TMEM94: variants seen among roughly 807,000 people sequenced by gnomAD.
TMEM94 encodes the protein transmembrane protein 94.
In TMEM94, 81 loss-of-function variants were observed where a neutral mutation model predicts 158.6. That is an observed-to-expected ratio of 0.51 (90% CI 0.43 to 0.61). The LOEUF is 0.61. TMEM94 is among the 20% of genes least tolerant of loss of function. The pLI, the probability that TMEM94 is intolerant of heterozygous loss-of-function variation, is 0.00. For missense variants in TMEM94, 1,435 were observed against 1,762.0 expected (o/e 0.81, Z 3.32); for synonymous variants, 751 against 730.7 (o/e 1.03, Z -0.45).
At position 75,487,847 on chromosome 17, in the gene TMEM94, C is replaced by G. The variant is rs777630651; in HGVS notation, c.410-85C>G. 9.2e-4 allele frequency: 1,032 copies of G among 1,122,612 alleles called. 1 individual carries two copies. Among genetic ancestry groups the G allele is most frequent in the Non-Finnish European group, 1.2e-3 (941 of 752,896 alleles). 69.5% of individuals were successfully genotyped at this position (1,122,612 alleles called of 1,614,324 possible). On this transcript the variant is annotated intron_variant, in intron 5 of 31. Coordinates refer to ENST00000314256, the MANE Select transcript of TMEM94 (RefSeq NM_014738.6). The surrounding 1 kb of genome is among the most constrained non-coding windows in gnomAD (Gnocchi z 4.6). Reference sequence around the variant, plus strand: ...CCTCCTGGGAGAGGAAGTGGGCAGACAGTGCTTCCGGAAGTGCTGCTGTAT... The same window carrying G: ...CCTCCTGGGAGAGGAAGTGGGCAGAGAGTGCTTCCGGAAGTGCTGCTGTAT...
At position 75,492,904 on chromosome 17, in the gene TMEM94, T is replaced by C; in HGVS notation, c.1913-25T>C. 6.2e-7 allele frequency: 1 copy of C among 1,602,278 alleles called. No homozygotes were observed. The highest frequency in any genetic ancestry group is 8.5e-7 in the Non-Finnish European group (1 of 1,172,468). The stretch of plus-strand genomic sequence containing the variant: ...GCAGGGTATTGCCAGGGCATGGCCC[T>C]AAGTTCCTGTTCCCCGCCCTGCAGG... On this transcript the variant is annotated intron_variant, in intron 15 of 31. Transcript: ENST00000314256. The surrounding 1 kb of genome is among the most constrained non-coding windows in gnomAD (Gnocchi z 4.4).
chr17:75,467,621 T>C (rs1432014423), intron 1 of TMEM94, among the ~76,000 whole-genome samples: 2 of 146,552 alleles, frequency 1.4e-5, no homozygotes, highest in East Asian at 2.1e-4. Flanking sequence ...CAAGCTCCGC[T>C]TCCCGGGTTC....
At position 75,491,916 on chromosome 17, in the gene TMEM94, G is replaced by A. The variant is rs1357874160; in HGVS notation, c.1596+16G>A. 1 of 1,598,764 alleles carries A rather than the reference G, an allele frequency of 6.3e-7. No homozygotes were observed. The highest frequency in any genetic ancestry group is 1.7e-5 in the Admixed American group (1 of 57,698). On this transcript the variant is annotated intron_variant, in intron 14 of 31. Transcript: ENST00000314256. The surrounding 1 kb of genome is among the most constrained non-coding windows in gnomAD (Gnocchi z 5.1). ...GCCCAGCAAGGTGACGGGAGGGGGT[G>A]GCACGGGGCAGCCACACCCTCGGCC...
rs375090254 is a variant in TMEM94, at chr17:75,498,613, G to A, written c.3734-16G>A. On this transcript the variant is annotated splice_polypyrimidine_tract_variant and intron_variant, in intron 29 of 31. Coordinates refer to ENST00000314256, the MANE Select transcript of TMEM94 (RefSeq NM_014738.6). The surrounding 1 kb of genome is among the most constrained non-coding windows in gnomAD (Gnocchi z 6.7). ...ACTGTGGAAGTCTGACCCCCACATC[G>A]CCCCACCTTCCCCAGTCTTCATTTC... 8 of 1,612,238 alleles carry A rather than the reference G, an allele frequency of 5.0e-6. No homozygotes were observed. Among genetic ancestry groups the A allele is most frequent in the Admixed American group, 3.3e-5 (2 of 59,768 alleles).
intron 24 of TMEM94, 25 bp downstream of exon 24, chr17:75,496,496 G>A (rs776852317): frequency 7.5e-6 from 12 of 1,606,612 alleles, no homozygotes; most frequent in South Asian, 5.5e-5. Flanking sequence ...AGGCAAAGGA[G>A]GAGAGACGCA....
chr17:75,493,430 C>G, intron 16 of TMEM94, 61 bp from the exon 17 acceptor site: 1 of 1,533,272 alleles, frequency 6.5e-7, no homozygotes, highest in East Asian at 2.3e-5. Flanking sequence ...AGTGCGTTGC[C>G]TGTCAGGTCA....
At chr17:75,476,656 T>G in intron 2 of TMEM94, 1 of 1,535,016 alleles carries the variant, frequency 6.5e-7, no homozygotes. Context: ...TGGAAGTTCT[T>G]GCAGCTGACT....
intron 1 of TMEM94, among the ~76,000 whole-genome samples, chr17:75,466,425 AATTGTTTTGCCT>A (rs1367958090): frequency 6.6e-6 from 1 of 152,086 alleles, no homozygotes; most frequent in Non-Finnish European, 1.5e-5. Context: ...CTCTTTTCAA[AATTGTTTTGCCT>A]ATTCTTGGTC....
chr17:75,471,915 AAGG>A lies in TMEM94; in HGVS notation c.13_15del (p.Glu5del). The A allele has an allele frequency of 6.2e-7, 1 of 1,613,932 alleles. No homozygotes were observed. The highest frequency in any genetic ancestry group is 1.3e-5 in the African/African-American group (1 of 75,022). On this transcript the variant is annotated inframe_deletion, in exon 2 of 32. Coordinates refer to ENST00000314256, the MANE Select transcript of TMEM94 (RefSeq NM_014738.6). ...GCAGTACTCTTGGCCCATGGACCTGAAGGAGAAGCACCTGGTAGGCCATATCCT... is the reference window on the plus strand; with the variant it reads ...GCAGTACTCTTGGCCCATGGACCTGAAGAAGCACCTGGTAGGCCATATCCT...
At chr17:75,493,982 C>G (rs778414390) in intron 18 of TMEM94, 66 bp downstream of exon 18, 1 of 1,506,468 alleles carries the variant, frequency 6.6e-7, no homozygotes, top group Non-Finnish European at 9.0e-7. Context: ...AGCCCAGGAG[C>G]AGGGAGGGCG....
intron 1 of TMEM94, among the ~76,000 whole-genome samples, chr17:75,463,546 T>G (rs2050187824): frequency 1.3e-5 from 2 of 152,194 alleles, no homozygotes; most frequent in Non-Finnish European, 2.9e-5. Context: ...TCCTCGTCTG[T>G]TGTTAGGGAC....
intron 2 of TMEM94, among the ~76,000 whole-genome samples, chr17:75,473,564 G>A (rs1396297929): frequency 6.6e-6 from 1 of 152,158 alleles, no homozygotes; most frequent in African/African-American, 2.4e-5. Context: ...GTTCTGTATC[G>A]AAGGGCTGGG....
rs756569961 is a variant in TMEM94 at position 75,493,471 on chromosome 17, G to A, written c.2087-20G>A. On this transcript the variant is annotated intron_variant, in intron 16 of 31. Coordinates refer to ENST00000314256, the MANE Select transcript of TMEM94 (RefSeq NM_014738.6). ...AGGGGGCTGGTTAGCGACACTCAGG[G>A]TTTGAACTCTCTCCCCCAGGCACAG... is the stretch of plus-strand genomic sequence containing the variant. 6.2e-7 allele frequency: 1 copy of A among 1,611,912 alleles called. No individual in the cohort carries two copies. Among genetic ancestry groups the A allele is most frequent in the Non-Finnish European group, 8.5e-7 (1 of 1,178,212 alleles).
chr17:75,490,368 G>A lies in TMEM94; in HGVS notation c.1071+18G>A, dbSNP rs201322380. The A allele has an allele frequency of 2.5e-6, 4 of 1,609,046 alleles. No individual in the cohort carries two copies. Among genetic ancestry groups the A allele is most frequent in the Non-Finnish European group, 3.4e-6 (4 of 1,178,296 alleles). Reference sequence around the variant, plus strand: ...GCTCCCTGGTAGGTTTTTCCAAGGTGTCTGGGGGAAGTCACAGGAACAAAA... The same window carrying A: ...GCTCCCTGGTAGGTTTTTCCAAGGTATCTGGGGGAAGTCACAGGAACAAAA... On this transcript the variant is annotated intron_variant, in intron 10 of 31. Transcript: ENST00000314256.
chr17:75,480,836 G>A (rs1385884892), intron 2 of TMEM94, among the ~76,000 whole-genome samples: 1 of 152,200 alleles, frequency 6.6e-6, no homozygotes, highest in Non-Finnish European at 1.5e-5. Flanking sequence ...ATGCAGGCCA[G>A]CTTTTCCTGC....
At chr17:75,478,027 TTTTTTTG>T (rs2050819606) in intron 2 of TMEM94, among the ~76,000 whole-genome samples, 5 of 104,436 alleles carry the variant, frequency 4.8e-5, no homozygotes, top group South Asian at 3.5e-4. Flanking sequence ...TTTTTTTTTT[TTTTTTTG>T]AGACGGAGTC....
Position 75,499,409 on chromosome 17 carries a change from T to A in TMEM94, c.*75T>A. ...AGACCCATTTCTGAACAGGGGAGTT[T>A]GTATCATGAATGTTTCCAGGTTTGC... is the stretch of plus-strand genomic sequence containing the variant. On this transcript the variant is annotated 3_prime_UTR_variant, in exon 32 of 32. Coordinates refer to ENST00000314256, the MANE Select transcript of TMEM94 (RefSeq NM_014738.6). 1 of 1,409,112 alleles carries A rather than the reference T, an allele frequency of 7.1e-7. No homozygotes were observed. The highest frequency in any genetic ancestry group is 2.3e-5 in the East Asian group (1 of 43,740). 87.3% of individuals were successfully genotyped at this position (1,409,112 alleles called of 1,614,324 possible).
In TMEM94 at chr17:75,485,024, C is replaced by G. The variant is rs900819067; in HGVS notation, c.25-404C>G. ...CTGCACTCCAGCCTAGGAGACTAAGCAAGACTCTATCTAAAAAAAAAAAAA... is the reference window on the plus strand; with the variant it reads ...CTGCACTCCAGCCTAGGAGACTAAGGAAGACTCTATCTAAAAAAAAAAAAA... On this transcript the variant is annotated intron_variant, in intron 2 of 31. Transcript: ENST00000314256. This position sits in a 1 kb window ranked among gnomAD's most constrained non-coding sequence, Gnocchi z 5.5. Among the ~76,000 whole-genome samples the G allele has an allele frequency of 9.5e-5, 14 of 147,526 alleles. No homozygotes were observed. Among genetic ancestry groups the G allele is most frequent in the African/African-American group, 3.5e-4 (14 of 39,574 alleles).
chr17:75,495,070 G>A lies in TMEM94; in HGVS notation c.2728+36G>A, dbSNP rs780686649. ...AGGCGTGGGGTGGGGACGGGGTGGC[G>A]GTGGGAGGATTCCCCTCCTCAGAGC... is the stretch of plus-strand genomic sequence containing the variant. On this transcript the variant is annotated intron_variant, in intron 20 of 31. Transcript: ENST00000314256. This position sits in a 1 kb window ranked among gnomAD's most constrained non-coding sequence, Gnocchi z 5.6. 8.8e-6 allele frequency: 14 copies of A among 1,594,174 alleles called. No individual in the cohort carries two copies. Among genetic ancestry groups the A allele is most frequent in the African/African-American group, 4.0e-5 (3 of 74,570 alleles).
Sources: allele counts gnomAD v4.1 joint callset (sites outside exome capture counted in the v4.1 genomes callset), GRCh38; gene constraint gnomAD v4.1.1; non-coding constraint Gnocchi (gnomAD v3.1); transcripts MANE v1.5; gene names NCBI Gene and HGNC (gene_info 2026-07-23, HGNC 2026-07-21).